The following SLC6A19 variants were observed in gnomAD, a reference collection of about 807,000 sequenced individuals.
The protein encoded by SLC6A19 is solute carrier family 6 member 19, also known as sodium-dependent neutral amino acid transporter B(0)AT1.
A neutral mutation model predicts 68.3 loss-of-function variants in SLC6A19; 67 were observed. That is an observed-to-expected ratio of 0.98 (90% CI 0.81 to 1.20). The LOEUF (loss-of-function observed/expected upper bound fraction) is 1.20, where lower values mean the gene tolerates loss of function less well. Ranked by LOEUF, SLC6A19 falls within the 50% of genes most tolerant of loss-of-function variation. The pLI is 0.00. For missense variants in SLC6A19, 813 were observed against 851.6 expected (o/e 0.95, Z 0.56); for synonymous variants, 392 against 374.9 (o/e 1.05, Z -0.53).
chr5:1,219,171 G>T, intron 9 of SLC6A19, 64 bp downstream of exon 9: 1 of 1,516,958 alleles, frequency 6.6e-7, no homozygotes. Context: ...GCAGCCCCCG[G>T]CTGTGTGAAC....
rs1247509822 is a variant in SLC6A19 at position 1,223,221 on chromosome 5, C to T, written c.*1317C>T. On this transcript the variant is annotated 3_prime_UTR_variant, in exon 12 of 12. Transcript: ENST00000304460. ...GCCATTTAATCATTGCTCCTGCCAC[C>T]ACAAATAGATGAGCAGTTAAATAAA... The T allele has an allele frequency of 6.6e-6, 1 of 152,276 alleles. No homozygotes were observed. The highest frequency in any genetic ancestry group is 2.4e-5 in the African/African-American group (1 of 41,474). The allele number at this position is 152,276 out of a possible 1,614,324, so 9.4% of individuals were successfully genotyped here.
rs967853008 is a variant in SLC6A19, at chr5:1,217,410, G to A, written c.1173+465G>A. Among the ~76,000 whole-genome samples, 9 of 152,388 alleles carry A rather than the reference G, an allele frequency of 5.9e-5. No homozygotes were observed. The East Asian group carries it at 1.5e-3, about 26-fold the overall frequency. ...GATACTCCACGTAACGAGTGTTTTT[G>A]AATACTATTTCCACAGTTAACGAAG... On this transcript the variant is annotated intron_variant, in intron 8 of 11. Transcript: ENST00000304460.
intron 8 of SLC6A19, among the ~76,000 whole-genome samples, chr5:1,217,518 C>T (rs535719068): frequency 2.6e-5 from 4 of 152,318 alleles, no homozygotes; most frequent in African/African-American, 7.2e-5. Context: ...CCATATTTTG[C>T]GGGCATGAGG....
intron 1 of SLC6A19, among the ~76,000 whole-genome samples, chr5:1,208,040 A>T (rs1745904838): frequency 6.6e-6 from 1 of 152,204 alleles, no homozygotes. Flanking sequence ...TTTTATTATT[A>T]TTGAATACAT....
At chr5:1,201,922 G>A in intron 1 of SLC6A19, 70 bp downstream of exon 1, 1 of 1,531,914 alleles carries the variant, frequency 6.5e-7, no homozygotes, top group Non-Finnish European at 8.8e-7. Flanking sequence ...AGAGGCCCTG[G>A]GCAGACATCC....
Position 1,212,261 on chromosome 5 carries a change from G to A in SLC6A19, c.482-42G>A. On this transcript the variant is annotated intron_variant, in intron 3 of 11. Coordinates refer to ENST00000304460, the MANE Select transcript of SLC6A19 (RefSeq NM_001003841.3). This position sits in a 1 kb window ranked among gnomAD's most constrained non-coding sequence, Gnocchi z 5.1. ...CAGGGCCTTCCATTCTCCTCCCTTG[G>A]GGGACCCGTACCCTGAGGTGTGTGA... 1 of 1,610,418 alleles carries A rather than the reference G, an allele frequency of 6.2e-7. No individual in the cohort carries two copies.
rs1746404149 is a variant in SLC6A19 at position 1,222,168 on chromosome 5, T to C, written c.*264T>C. ...GTGTGTATTGTATGTGCATGTGCCA[T>C]GTGTGCAGATGTGTCATGTTGTGTG... On this transcript the variant is annotated 3_prime_UTR_variant, in exon 12 of 12. Coordinates refer to ENST00000304460, the MANE Select transcript of SLC6A19 (RefSeq NM_001003841.3). 4 of 597,284 alleles carry C rather than the reference T, an allele frequency of 6.7e-6. No individual in the cohort carries two copies. Among genetic ancestry groups the C allele is most frequent in the East Asian group, 2.8e-5 (1 of 36,232 alleles). The allele number at this position is 597,284 out of a possible 1,614,324, so 37.0% of individuals were successfully genotyped here.
chr5:1,204,556 C>T (rs1379966167), intron 1 of SLC6A19, among the ~76,000 whole-genome samples: 3 of 152,172 alleles, frequency 2.0e-5, no homozygotes, highest in Non-Finnish European at 4.4e-5. Context: ...GTGCCGGTGG[C>T]GCAGGCGGAG....
At chr5:1,217,096 C>A in intron 8 of SLC6A19, 151 bp downstream of exon 8, 1 of 1,289,624 alleles carries the variant, frequency 7.8e-7, no homozygotes, top group South Asian at 1.3e-5. Flanking sequence ...TGCCTGGCGT[C>A]CAGGGCTCTT....
In SLC6A19 at chr5:1,216,573, G is replaced by C; in HGVS notation, c.903G>C (p.Lys301Asn). The C allele has an allele frequency of 6.2e-7, 1 of 1,614,158 alleles. No individual in the cohort carries two copies. Among genetic ancestry groups the C allele is most frequent in the Admixed American group, 1.7e-5 (1 of 60,032 alleles). ...SYNSVHNNCE[K>N]DSVIVSIING... is the part of the protein sequence containing the mutation. ...TCGTCTGCAGCAACAACTGCGAGAA[G>C]GACTCGGTGATTGTGTCCATCATCA... Residue 301 changes from lysine to asparagine, a missense_variant, in exon 7 of 12, where the codon AAG becomes AAC. Physicochemically the swap from Lys to Asn is moderately conservative, Grantham distance 94 (BLOSUM62 0). Transcript: ENST00000304460.
chr5:1,207,390 C>T (rs1054436824), intron 1 of SLC6A19, among the ~76,000 whole-genome samples: 18 of 152,172 alleles, frequency 1.2e-4, no homozygotes, highest in Middle Eastern at 3.2e-3. Flanking sequence ...CCCGCTTGGC[C>T]GGGCGAGTGG....
rs773050187 is a variant in SLC6A19, at chr5:1,212,256, C to T, written c.482-47C>T. ...CAGCTCAGGGCCTTCCATTCTCCTC[C>T]CTTGGGGGACCCGTACCCTGAGGTG... On this transcript the variant is annotated intron_variant, in intron 3 of 11. Coordinates refer to ENST00000304460, the MANE Select transcript of SLC6A19 (RefSeq NM_001003841.3). The surrounding 1 kb of genome is among the most constrained non-coding windows in gnomAD (Gnocchi z 5.1). 1.1e-5 allele frequency: 17 copies of T among 1,609,518 alleles called. 1 individual carries two copies. In the Admixed American group the frequency reaches 1.8e-4, roughly 17 times the overall value.
At position 1,222,200 on chromosome 5, in the gene SLC6A19, T is replaced by C. The variant is rs56820463; in HGVS notation, c.*296T>C. The C allele has an allele frequency of 2.0e-5, 12 of 591,820 alleles. No homozygotes were observed. The African/African-American group carries it at 2.0e-4, about 10-fold the overall frequency. 36.7% of individuals were successfully genotyped at this position (591,820 alleles called of 1,614,324 possible). On this transcript the variant is annotated 3_prime_UTR_variant, in exon 12 of 12. Coordinates refer to ENST00000304460, the MANE Select transcript of SLC6A19 (RefSeq NM_001003841.3). Reference sequence around the variant, plus strand: ...AGATGTGTCATGTTGTGTGTGTGCATGTACATGTATGGACATTGTGTGAGT... The same window carrying C: ...AGATGTGTCATGTTGTGTGTGTGCACGTACATGTATGGACATTGTGTGAGT...
intron 1 of SLC6A19, among the ~76,000 whole-genome samples, chr5:1,203,991 T>C (rs1745784694): frequency 6.6e-6 from 1 of 152,098 alleles, no homozygotes; most frequent in African/African-American, 2.4e-5. Context: ...ACCAAAACAG[T>C]GGGGCAGGCT....
intron 8 of SLC6A19, among the ~76,000 whole-genome samples, chr5:1,218,048 C>G (rs916307228): frequency 4.6e-5 from 7 of 151,992 alleles, no homozygotes; most frequent in Middle Eastern, 3.4e-3. Context: ...CCTCCTCCCG[C>G]CTCCTCCCAC....
In SLC6A19 at chr5:1,221,202, G is replaced by T. The variant is rs781039193; in HGVS notation, c.1590G>T (p.Trp530Cys). 4.2e-5 allele frequency: 67 copies of T among 1,614,016 alleles called. No homozygotes were observed. The Admixed American group carries it at 1.1e-3, about 26-fold the overall frequency. The change falls in exon 11 of 12, where the codon TGG becomes TGT. Residue 530 changes from tryptophan (W) to cysteine (C), a missense_variant. Coordinates refer to ENST00000304460, the MANE Select transcript of SLC6A19 (RefSeq NM_001003841.3). ...FMIGHKPNIFWQVTWRVVSPL... is the reference protein window; with the variant it reads ...FMIGHKPNIFCQVTWRVVSPL... ...TCGGCCACAAGCCCAACATCTTCTGGCAAGTCACGTGGCGCGTGGTCAGCC... is the reference window on the plus strand; with the variant it reads ...TCGGCCACAAGCCCAACATCTTCTGTCAAGTCACGTGGCGCGTGGTCAGCC...
Position 1,214,844 on chromosome 5 carries a change from C to A in SLC6A19, c.887+779C>A, listed in dbSNP as rs1320935782. Among the ~76,000 whole-genome samples the A allele has an allele frequency of 1.7e-5, 1 of 58,084 alleles. No homozygotes were observed. Among genetic ancestry groups the A allele is most frequent in the African/African-American group, 6.9e-5 (1 of 14,542 alleles). The allele number at this position is 58,084 out of a possible 152,430, so 38.1% of individuals were successfully genotyped here. On this transcript the variant is annotated intron_variant, in intron 6 of 11. Transcript: ENST00000304460. The surrounding 1 kb of genome is among the most constrained non-coding windows in gnomAD (Gnocchi z 7.4). ...CTGGGTAGGGAGGGTGGGGCCTAGA[C>A]TGGACGGGGGCCTGGGTAGGGAGGG...
rs60893203 is a variant in SLC6A19, at chr5:1,216,672, C to T, written c.1002C>T (p.Asp334=). Residue 334 remains aspartate (D), a synonymous_variant, in exon 7 of 12, where the codon GAC becomes GAT. Coordinates refer to ENST00000304460, the MANE Select transcript of SLC6A19 (RefSeq NM_001003841.3). ...GGTTCCGCGCCACACAGCGCTACGACGACTGCTTCAGCACGTGAGTGGCTG... is the reference window on the plus strand; with the variant it reads ...GGTTCCGCGCCACACAGCGCTACGATGACTGCTTCAGCACGTGAGTGGCTG... The part of the protein sequence containing the change: ...VIGFRATQRY[D]DCFSTNILTL... The T allele has an allele frequency of 4.0e-3, 6,397 of 1,613,866 alleles. 198 individuals are homozygous for T. In the African/African-American group the frequency reaches 0.07, roughly 18 times the overall value.
intron 1 of SLC6A19, among the ~76,000 whole-genome samples, chr5:1,202,285 G>A (rs1053278672): frequency 3.3e-5 from 5 of 152,222 alleles, no homozygotes; most frequent in Non-Finnish European, 5.9e-5. Flanking sequence ...GCTGGGTTGG[G>A]GGCAGGTGAC....
Sources: gnomAD v4.1 joint callset for allele counts (sites outside exome capture counted in the v4.1 genomes callset) on GRCh38, gnomAD v4.1.1 for gene constraint, Gnocchi (gnomAD v3.1) non-coding constraint, MANE v1.5 for transcripts, NCBI Gene and HGNC (gene_info 2026-07-23, HGNC 2026-07-21) for gene names.